B3GAT1: variants seen among roughly 807,000 people sequenced by gnomAD.
B3GAT1 encodes the protein beta-1,3-glucuronyltransferase 1.
Under a neutral mutation model 28.4 loss-of-function variants are expected in B3GAT1, and 11 were observed. That is an observed-to-expected ratio of 0.39 (90% CI 0.24 to 0.64). B3GAT1 has a LOEUF of 0.64. B3GAT1 is among the 30% of genes least tolerant of loss of function. The probability of loss-of-function intolerance (pLI) is 0.50; values close to 1 mark genes in which losing one functional copy is unlikely to be tolerated. For synonymous variants in B3GAT1, 255 were observed against 223.1 expected, an observed-to-expected ratio of 1.14 and a Z score of -1.27; for missense variants, 375 against 491.0, an observed-to-expected ratio of 0.76 and a Z score of 2.23.
In B3GAT1 at chr11:134,411,971, CCGCG is replaced by C. The variant is rs1020481955; in HGVS notation, c.-450_-447del. ...GGGGGCCACTTCATAGCCGCGGGGTCCGCGCGCCCGCCCGCCCCGCCCGGCCCCG... is the reference window on the plus strand; with the variant it reads ...GGGGGCCACTTCATAGCCGCGGGGTCCGCCCGCCCGCCCCGCCCGGCCCCG... On this transcript the variant is annotated 5_prime_UTR_variant, in exon 1 of 6. Transcript: ENST00000312527. This position sits in a 1 kb window ranked among gnomAD's most constrained non-coding sequence, Gnocchi z 6.0. The C allele has an allele frequency of 5.5e-3, 803 of 146,822 alleles. 29 individuals carry two copies. In the East Asian group the frequency reaches 0.071, roughly 13 times the overall value. The allele number at this position is 146,822 out of a possible 1,614,324, so 9.1% of individuals were successfully genotyped here. A position where few individuals can be genotyped will look rare whatever the true frequency, so the allele number is the denominator to read the frequency against.
At chr11:134,410,572 G>A (rs1046364230) in intron 1 of B3GAT1, among the ~76,000 whole-genome samples, 8 of 152,204 alleles carry the variant, frequency 5.3e-5, no homozygotes, top group Non-Finnish European at 7.3e-5. Flanking sequence ...AAGGCTTGAT[G>A]TTTGGTCCAG....
At chr11:134,402,629 T>G (rs1591649197) in intron 1 of B3GAT1, among the ~76,000 whole-genome samples, 1 of 152,192 alleles carries the variant, frequency 6.6e-6, no homozygotes, top group East Asian at 1.9e-4. Context: ...AATGTTGAAC[T>G]GGGTCAGGCA....
At chr11:134,384,249 A>G (rs1944221174) in intron 2 of B3GAT1, 61 bp from the exon 3 acceptor site, 13 of 1,485,552 alleles carry the variant, frequency 8.8e-6, no homozygotes, top group Non-Finnish European at 1.1e-5. Flanking sequence ...CTGGATTCAG[A>G]GCGGGACGCC....
chr11:134,386,625 C>T (rs1032785020), intron 2 of B3GAT1: 2 of 152,132 alleles, frequency 1.3e-5, no homozygotes, highest in Non-Finnish European at 2.9e-5. Flanking sequence ...GTTTCCTACA[C>T]AGGAAAAGAA....
intron 4 of B3GAT1, 87 bp from the exon 5 acceptor site, chr11:134,382,111 A>G: frequency 4.8e-6 from 5 of 1,044,324 alleles, no homozygotes; most frequent in Non-Finnish European, 7.4e-6. Context: ...CTGTGTAAAC[A>G]TTTCTCCTGC....
At chr11:134,405,622 G>A (rs1270190082) in intron 1 of B3GAT1, among the ~76,000 whole-genome samples, 2 of 152,208 alleles carry the variant, frequency 1.3e-5, no homozygotes, top group African/African-American at 4.8e-5. Flanking sequence ...GACCCCGGGG[G>A]TGGCAGCCCC....
chr11:134,406,133 C>T (rs1046140411), intron 1 of B3GAT1, among the ~76,000 whole-genome samples: 3 of 152,194 alleles, frequency 2.0e-5, no homozygotes, highest in Non-Finnish European at 4.4e-5. Flanking sequence ...TCTGAGACCT[C>T]CAGGCTCTGC....
rs897247186 is a variant in B3GAT1 at position 134,412,119 on chromosome 11, G to C, written c.-594C>G. ...GGGGGGCGGGGAGGGGGAGCGGGGA[G>C]GGGGAGCGGGGAGCGGGCGCGGGGG... On this transcript the variant is annotated 5_prime_UTR_variant, in exon 1 of 6. Coordinates refer to ENST00000312527, the MANE Select transcript of B3GAT1 (RefSeq NM_054025.3). 6.4e-5 allele frequency among the ~76,000 whole-genome samples: 9 copies of C among 140,888 alleles called. No homozygotes were observed. The highest frequency in any genetic ancestry group is 2.2e-4 in the South Asian group (1 of 4,546). The allele number at this position is 140,888 out of a possible 152,430, so 92.4% of individuals were successfully genotyped here.
chr11:134,402,349 C>T (rs1000617463), intron 1 of B3GAT1, among the ~76,000 whole-genome samples: 1 of 152,142 alleles, frequency 6.6e-6, no homozygotes, highest in Non-Finnish European at 1.5e-5. Flanking sequence ...TTCAGAGATT[C>T]CCCATCCCTC....
Position 134,383,013 on chromosome 11 carries a change from G to C in B3GAT1, c.622-7C>G, listed in dbSNP as rs1243353363. On this transcript the variant is annotated splice_polypyrimidine_tract_variant and splice_region_variant and intron_variant, in intron 3 of 5. Transcript: ENST00000312527. Reference sequence around the variant, plus strand: ...CCCTCCTGGTGCTGCGCATCTACAAGGGGGGGGTCCAGAGTCAGGGCGCCG... The same window carrying C: ...CCCTCCTGGTGCTGCGCATCTACAACGGGGGGGTCCAGAGTCAGGGCGCCG... The C allele has an allele frequency of 4.0e-6, 6 of 1,515,286 alleles. 1 individual carries two copies. In the South Asian group the frequency reaches 4.8e-5, roughly 12 times the overall value. 93.9% of individuals were successfully genotyped at this position (1,515,286 alleles called of 1,614,324 possible).
chr11:134,404,020 TA>T (rs1565459411), intron 1 of B3GAT1, among the ~76,000 whole-genome samples: 31 of 123,062 alleles, frequency 2.5e-4, no homozygotes, highest in African/African-American at 6.3e-4. Flanking sequence ...TATATATATA[TA>T]TATATATATT....
At position 134,412,141 on chromosome 11, in the gene B3GAT1, G is replaced by C. The variant is rs931372954; in HGVS notation, c.-616C>G. 6.9e-6 allele frequency among the ~76,000 whole-genome samples: 1 copy of C among 144,528 alleles called. No individual in the cohort carries two copies. Among genetic ancestry groups the C allele is most frequent in the African/African-American group, 2.5e-5 (1 of 40,300 alleles). The allele number at this position is 144,528 out of a possible 152,430, so 94.8% of individuals were successfully genotyped here. ...GGAGGGGGAGCGGGGAGCGGGCGCG[G>C]GGGCGAGAGGGGCGAGGGGGGCGCG... On this transcript the variant is annotated 5_prime_UTR_variant, in exon 1 of 6. Transcript: ENST00000312527.
At chr11:134,402,012 C>A (rs968270086) in intron 1 of B3GAT1, among the ~76,000 whole-genome samples, 9 of 151,190 alleles carry the variant, frequency 6.0e-5, no homozygotes, top group Non-Finnish European at 1.3e-4. Flanking sequence ...GAGGCGGGGC[C>A]CCTGGAACCT....
At chr11:134,404,009 ATATATATATATATATATATATT>A (rs1944676764) in intron 1 of B3GAT1, among the ~76,000 whole-genome samples, 1 of 97,136 alleles carries the variant, frequency 1.0e-5, no homozygotes, top group African/African-American at 3.9e-5. Flanking sequence ...ATATATATAT[ATATATATATATATATATATATT>A]TATTATACGT....
intron 5 of B3GAT1, among the ~76,000 whole-genome samples, chr11:134,380,999 G>C (rs963379520): frequency 1.3e-5 from 2 of 152,160 alleles, no homozygotes; most frequent in African/African-American, 4.8e-5. Context: ...GGTCCTCTGC[G>C]GGCAAACACA....
At position 134,401,949 on chromosome 11, in the gene B3GAT1, A is replaced by G. The variant is rs887653284; in HGVS notation, c.-282+9858T>C. 5.6e-5 allele frequency among the ~76,000 whole-genome samples: 5 copies of G among 90,060 alleles called. No individual in the cohort carries two copies. The Admixed American group carries it at 6.1e-4, about 11-fold the overall frequency. The allele number at this position is 90,060 out of a possible 152,430, so 59.1% of individuals were successfully genotyped here. On this transcript the variant is annotated intron_variant, in intron 1 of 5. Transcript: ENST00000312527. ...CTGGGCACACCAGCATGCAGTTGTG[A>G]CAAAAGGGTGTGGCCTGGGGCGGGG...
chr11:134,387,535 C>A lies in B3GAT1; in HGVS notation c.112+13G>T, dbSNP rs758019374. ...GGCCCAGCTGGGCAGGCAGGGCATG[C>A]GTGCGTGCTCACCCTTATGTACCGC... On this transcript the variant is annotated intron_variant, in intron 2 of 5. Transcript: ENST00000312527. The A allele has an allele frequency of 8.7e-6, 14 of 1,613,074 alleles. No homozygotes were observed. Among genetic ancestry groups the A allele is most frequent in the African/African-American group, 2.7e-5 (2 of 74,916 alleles).
At chr11:134,395,927 T>C (rs1450357772) in intron 1 of B3GAT1, among the ~76,000 whole-genome samples, 2 of 152,174 alleles carry the variant, frequency 1.3e-5, no homozygotes, top group African/African-American at 4.8e-5. Context: ...TGAGGAAGAC[T>C]CTGCTTCCAA....
chr11:134,397,366 G>T (rs546554310), intron 1 of B3GAT1, among the ~76,000 whole-genome samples: 4 of 151,680 alleles, frequency 2.6e-5, no homozygotes, highest in African/African-American at 9.7e-5. Context: ...CCCTGCGCCC[G>T]CCCACCACTC....
Sources: gnomAD v4.1 joint callset for allele counts (sites outside exome capture counted in the v4.1 genomes callset) on GRCh38, gnomAD v4.1.1 for gene constraint, Gnocchi (gnomAD v3.1) non-coding constraint, MANE v1.5 for transcripts, NCBI Gene and HGNC (gene_info 2026-07-23, HGNC 2026-07-21) for gene names.